WDR25: variants seen among roughly 807,000 people sequenced by gnomAD.
The protein encoded by WDR25 is WD repeat-containing protein 25.
WDR25 carries 35 observed loss-of-function variants against 47.7 expected under a neutral mutation model. The ratio of observed to expected loss-of-function variants is 0.73; its 90% CI spans 0.56 to 0.97. The LOEUF (loss-of-function observed/expected upper bound fraction) is 0.97, where lower values mean the gene tolerates loss of function less well. Ranked by LOEUF, WDR25 falls within the 50% of genes least tolerant of loss-of-function variation. The pLI is 0.00. For synonymous variants in WDR25, 248 were observed against 278.9 expected (o/e 0.89, Z 1.10); for missense variants, 634 against 704.7 (o/e 0.90, Z 1.14).
chr14:100,445,736 C>G (rs896247739), intron 2 of WDR25, among the ~76,000 whole-genome samples: 1 of 152,148 alleles, frequency 6.6e-6, no homozygotes, highest in Non-Finnish European at 1.5e-5. Flanking sequence ...TCCGACCTCC[C>G]TGTAGGAGGA....
intron 2 of WDR25, among the ~76,000 whole-genome samples, chr14:100,450,662 G>A (rs939350466): frequency 6.6e-6 from 1 of 152,214 alleles, no homozygotes; most frequent in South Asian, 2.1e-4. Flanking sequence ...TGTGTGAGGG[G>A]CACATGAATG....
At chr14:100,387,579 G>A (rs540859563) in intron 2 of WDR25, among the ~76,000 whole-genome samples, 19 of 152,308 alleles carry the variant, frequency 1.2e-4, no homozygotes, top group East Asian at 9.6e-4. Flanking sequence ...TAAACGCTCC[G>A]TCTCCTCTTC....
chr14:100,408,019 A>C (rs1428063173), intron 2 of WDR25, among the ~76,000 whole-genome samples: 2 of 152,138 alleles, frequency 1.3e-5, no homozygotes, highest in Non-Finnish European at 2.9e-5. Flanking sequence ...CACACCAGGC[A>C]CTGGGGGCGG....
intron 2 of WDR25, among the ~76,000 whole-genome samples, chr14:100,423,216 G>A (rs576461036): frequency 1.8e-4 from 28 of 152,254 alleles, no homozygotes; most frequent in Admixed American, 5.9e-4. Context: ...AGCTCTTGCT[G>A]TCTCCTTGGT....
At chr14:100,399,580 C>G (rs1029886210) in intron 2 of WDR25, among the ~76,000 whole-genome samples, 2 of 152,198 alleles carry the variant, frequency 1.3e-5, no homozygotes, top group African/African-American at 4.8e-5. Flanking sequence ...TATGCCTTTC[C>G]CTGCAACAGG....
chr14:100,503,409 GA>G (rs1331913677), intron 4 of WDR25, among the ~76,000 whole-genome samples: 1 of 152,158 alleles, frequency 6.6e-6, no homozygotes, highest in Non-Finnish European at 1.5e-5. Context: ...AATTTAGAGA[GA>G]GGGGTGTCTT....
chr14:100,458,752 G>A (rs1899285159), intron 2 of WDR25, among the ~76,000 whole-genome samples: 1 of 152,124 alleles, frequency 6.6e-6, no homozygotes, highest in African/African-American at 2.4e-5. Flanking sequence ...AAAGTATCTG[G>A]ACAATTTCTA....
chr14:100,381,837 C>CT (rs903320233), intron 2 of WDR25, 91 bp downstream of exon 2: 77 of 1,099,000 alleles, frequency 7.0e-5, no homozygotes, highest in Non-Finnish European at 8.8e-5. Context: ...ACAGGCTGAA[C>CT]TTTTTTTTGT....
intron 2 of WDR25, chr14:100,455,395 T>C (rs573303152): frequency 3.3e-5 from 5 of 152,204 alleles, no homozygotes; most frequent in Admixed American, 6.5e-5. Flanking sequence ...GGACAGATAC[T>C]CAGAGAACTG....
chr14:100,492,940 T>C (rs1488445981), intron 4 of WDR25, among the ~76,000 whole-genome samples: 1 of 152,106 alleles, frequency 6.6e-6, no homozygotes, highest in Non-Finnish European at 1.5e-5. Context: ...GCTTCTCTAG[T>C]AGCTGGGACT....
chr14:100,429,979 C>A (rs963329207), intron 2 of WDR25, among the ~76,000 whole-genome samples: 5 of 152,266 alleles, frequency 3.3e-5, no homozygotes, highest in African/African-American at 1.2e-4. Flanking sequence ...GGAGTTAGGG[C>A]TTCAACATAT....
chr14:100,466,837 G>A (rs975846052), intron 2 of WDR25, among the ~76,000 whole-genome samples: 1 of 152,222 alleles, frequency 6.6e-6, no homozygotes, highest in African/African-American at 2.4e-5. Context: ...GACTAGCACT[G>A]CTGAGTACCT....
chr14:100,384,062 TG>T (rs1013603425), intron 2 of WDR25, among the ~76,000 whole-genome samples: 2 of 152,220 alleles, frequency 1.3e-5, no homozygotes, highest in African/African-American at 4.8e-5. Flanking sequence ...GACACTGGCA[TG>T]GGCCCCTTGG....
chr14:100,394,748 CGA>C (rs1460307071), intron 2 of WDR25, among the ~76,000 whole-genome samples: 2 of 152,086 alleles, frequency 1.3e-5, no homozygotes, highest in African/African-American at 4.8e-5. Context: ...AGGGGAAGGA[CGA>C]GTTGGGTCTT....
intron 2 of WDR25, among the ~76,000 whole-genome samples, chr14:100,383,893 G>A (rs141306847): frequency 6.6e-6 from 1 of 152,346 alleles, no homozygotes; most frequent in East Asian, 1.9e-4. Flanking sequence ...AGCTTGGAAT[G>A]GCAGTGAGGG....
At chr14:100,457,254 C>T (rs1899234974) in intron 2 of WDR25, among the ~76,000 whole-genome samples, 1 of 152,194 alleles carries the variant, frequency 6.6e-6, no homozygotes, top group Admixed American at 6.5e-5. Flanking sequence ...CGCACTTGGC[C>T]TGAAATTTCT....
chr14:100,388,591 G>A (rs530021344), intron 2 of WDR25, among the ~76,000 whole-genome samples: 4 of 152,280 alleles, frequency 2.6e-5, no homozygotes, highest in Non-Finnish European at 4.4e-5. Flanking sequence ...TCTTCTCTTC[G>A]TGGGAAGTGA....
Position 100,498,674 on chromosome 14 carries a change from G to A in WDR25, c.1101+14550G>A, listed in dbSNP as rs191405642. Among the ~76,000 whole-genome samples the A allele has an allele frequency of 3.3e-5, 5 of 152,266 alleles. No homozygotes were observed. Among genetic ancestry groups the A allele is most frequent in the African/African-American group, 7.2e-5 (3 of 41,558 alleles). The stretch of plus-strand genomic sequence containing the variant: ...CCTTCTCCACCACCTCAGTCCCTGC[G>A]TCCTCCTCTTCCAGGGCCAACATGT... On this transcript the variant is annotated intron_variant, in intron 4 of 6. Transcript: ENST00000402312. This position sits in a 1 kb window ranked among gnomAD's most constrained non-coding sequence, Gnocchi z 4.2.
rs143534778 is a variant in WDR25 at position 100,503,058 on chromosome 14, CGTGT to C, written c.1101+18950_1101+18953del. On this transcript the variant is annotated intron_variant, in intron 4 of 6. Transcript: ENST00000402312. ...GTGTCTGTGTCCGTGTGTGTGTGTG[CGTGT>C]GTGTGTGTGTGTGTGCATGCGCATT... 3.0e-3 allele frequency among the ~76,000 whole-genome samples: 438 copies of C among 146,818 alleles called. 3 individuals carry two copies. Among genetic ancestry groups the C allele is most frequent in the Admixed American group, 4.7e-3 (69 of 14,704 alleles).
Sources: gnomAD v4.1 joint callset for allele counts (sites outside exome capture counted in the v4.1 genomes callset) on GRCh38, gnomAD v4.1.1 for gene constraint, Gnocchi (gnomAD v3.1) non-coding constraint, MANE v1.5 for transcripts, NCBI Gene and HGNC (gene_info 2026-07-23, HGNC 2026-07-21) for gene names.